The following ODF1 variants were observed in gnomAD, a reference collection of about 807,000 sequenced individuals.
The protein encoded by ODF1 is outer dense fiber protein 1.
In ODF1, 10 loss-of-function variants were observed where a neutral mutation model predicts 24.0. That is an observed-to-expected ratio of 0.42 (90% CI 0.26 to 0.71). ODF1 has a LOEUF of 0.71. Ranked by LOEUF, ODF1 falls within the 30% of genes least tolerant of loss-of-function variation. ODF1 has a pLI of 0.28. For missense variants in ODF1, 282 were observed against 307.9 expected (o/e 0.92, Z 0.63); for synonymous variants, 118 against 121.3 (o/e 0.97, Z 0.18).
intron 1 of ODF1, among the ~76,000 whole-genome samples, chr8:102,553,536 T>C (rs2511705): frequency 0.59 from 90,060 of 152,068 alleles, 27,426 homozygotes; most frequent in Middle Eastern, 0.72. Flanking sequence ...TCACATAAAT[T>C]GCTCACACTG....
chr8:102,551,849 T>G lies in ODF1; in HGVS notation c.122T>G (p.Met41Arg). The G allele has an allele frequency of 6.2e-7, 1 of 1,614,190 alleles. No individual in the cohort carries two copies. Among genetic ancestry groups the G allele is most frequent in the Non-Finnish European group, 8.5e-7 (1 of 1,180,038 alleles). ...ACACGGTGCCTGTGCGACTTGTATA[T>G]GCACCCCTATTGCTGCTGTGACTTG... ...FSTRCLCDLY[M>R]HPYCCCDLHP... Residue 41 changes from methionine to arginine, a missense_variant, in exon 1 of 2, where the codon ATG becomes AGG. By Grantham distance (91) the Met-to-Arg change is moderately conservative. Coordinates refer to ENST00000285402, the MANE Select transcript of ODF1 (RefSeq NM_024410.4).
intron 1 of ODF1, among the ~76,000 whole-genome samples, chr8:102,556,420 TG>T (rs1224107428): frequency 1.7e-4 from 21 of 122,848 alleles, no homozygotes; most frequent in African/African-American, 6.3e-4. Context: ...CTGTGTTTTT[TG>T]TTGTTGTTGT....
At chr8:102,556,367 T>C (rs1352869238) in intron 1 of ODF1, among the ~76,000 whole-genome samples, 1 of 152,230 alleles carries the variant, frequency 6.6e-6, no homozygotes, top group Non-Finnish European at 1.5e-5. Flanking sequence ...CTAGACCTGC[T>C]AGCTCTGAAA....
At chr8:102,552,718 A>G (rs899450958) in intron 1 of ODF1, among the ~76,000 whole-genome samples, 7 of 152,198 alleles carry the variant, frequency 4.6e-5, no homozygotes, top group Admixed American at 1.3e-4. Context: ...AAAAAGAGTC[A>G]GTTTTTTAAA....
intron 1 of ODF1, among the ~76,000 whole-genome samples, chr8:102,559,824 C>G (rs1426620381): frequency 6.6e-6 from 1 of 151,480 alleles, no homozygotes; most frequent in Non-Finnish European, 1.5e-5. Context: ...GTCCCATGAA[C>G]CAGTAGGGCT....
intron 1 of ODF1, among the ~76,000 whole-genome samples, chr8:102,553,955 T>C (rs1473895345): frequency 2.0e-5 from 3 of 152,226 alleles, no homozygotes; most frequent in Non-Finnish European, 2.9e-5. Flanking sequence ...ATCTCGGAAA[T>C]GATAACTCCA....
In ODF1 at chr8:102,560,901, C is replaced by G. The variant is rs1826177006; in HGVS notation, c.*17C>G. On this transcript the variant is annotated 3_prime_UTR_variant, in exon 2 of 2. Transcript: ENST00000285402. ...ATTTTGTAAAGTGCGCATAGGAACC[C>G]ATTACTTAATAGAAGTCAGTTACTC... 1 of 1,583,784 alleles carries G rather than the reference C, an allele frequency of 6.3e-7. No homozygotes were observed. The highest frequency in any genetic ancestry group is 1.7e-5 in the Admixed American group (1 of 57,424).
chr8:102,552,925 T>C (rs1044124885), intron 1 of ODF1, among the ~76,000 whole-genome samples: 2 of 152,056 alleles, frequency 1.3e-5, no homozygotes, highest in African/African-American at 2.4e-5. Context: ...ATCTTACATA[T>C]TGATGTATTA....
intron 1 of ODF1, among the ~76,000 whole-genome samples, chr8:102,554,949 C>A (rs980191793): frequency 1.3e-5 from 2 of 151,996 alleles, no homozygotes; most frequent in African/African-American, 2.4e-5. Flanking sequence ...TAGAAAGAGA[C>A]CCTGTTTCAA....
intron 1 of ODF1, among the ~76,000 whole-genome samples, chr8:102,552,998 AGATAGATAGATAGATAGATG>A (rs1826062045): frequency 1.3e-5 from 1 of 77,996 alleles, no homozygotes; most frequent in Admixed American, 1.4e-4. Flanking sequence ...ATAGATAGAT[AGATAGATAGATAGATAGATG>A]ATAGATAGAT....
chr8:102,554,993 C>T (rs1468306379), intron 1 of ODF1, among the ~76,000 whole-genome samples: 1 of 151,998 alleles, frequency 6.6e-6, no homozygotes, highest in Admixed American at 6.6e-5. Flanking sequence ...AAATCCAATC[C>T]ATTTCCATTC....
chr8:102,553,782 T>C (rs1826078153), intron 1 of ODF1, among the ~76,000 whole-genome samples: 1 of 152,226 alleles, frequency 6.6e-6, no homozygotes, highest in South Asian at 2.1e-4. Context: ...TGGCATGCAG[T>C]AGAAACAGCT....
At position 102,551,870 on chromosome 8, in the gene ODF1, ACTT is replaced by A; in HGVS notation, c.144_146del (p.Asp48_Leu49delinsGlu). On this transcript the variant is annotated inframe_deletion, in exon 1 of 2. Coordinates refer to ENST00000285402, the MANE Select transcript of ODF1 (RefSeq NM_024410.4). ...TATATGCACCCCTATTGCTGCTGTG[ACTT>A]GCACCCATATCCGTACTGCTTGTGC... 1 of 1,614,112 alleles carries A rather than the reference ACTT, an allele frequency of 6.2e-7. No homozygotes were observed. The highest frequency in any genetic ancestry group is 1.1e-5 in the South Asian group (1 of 91,080).
chr8:102,560,786 A>G lies in ODF1; in HGVS notation c.655A>G (p.Asn219Asp). 2 of 888,310 alleles carry G rather than the reference A, an allele frequency of 2.3e-6. No homozygotes were observed. Among genetic ancestry groups the G allele is most frequent in the Middle Eastern group, 2.7e-4 (1 of 3,762 alleles). 55.0% of individuals were successfully genotyped at this position (888,310 alleles called of 1,614,324 possible). A position where few individuals can be genotyped will look rare whatever the true frequency, so the allele number is the denominator to read the frequency against. ...CCCCTGCAGCCCCTGCAGCCCCTGC[A>G]ACCCCTGCAGCCCCTGCAACCCGTG... is the stretch of plus-strand genomic sequence containing the variant. ...CSPCSPCSPCNPCSPCNPCSP... is the reference protein window; with the variant it reads ...CSPCSPCSPCDPCSPCNPCSP... The change falls in exon 2 of 2, where the codon AAC becomes GAC. Residue 219 changes from asparagine to aspartate, a missense_variant. Physicochemically the swap from Asn to Asp is conservative, Grantham distance 23. Transcript: ENST00000285402.
At chr8:102,552,772 A>C (rs2436902) in intron 1 of ODF1, among the ~76,000 whole-genome samples, 86,885 of 151,896 alleles carry the variant, frequency 0.57, 25,430 homozygotes, top group Middle Eastern at 0.71. Flanking sequence ...CCTGGAGAAA[A>C]CTTTCCTTTT....
chr8:102,557,707 C>G (rs145347941), intron 1 of ODF1, among the ~76,000 whole-genome samples: 7 of 152,348 alleles, frequency 4.6e-5, no homozygotes, highest in Non-Finnish European at 8.8e-5. Flanking sequence ...CTAGTTGGGG[C>G]CCTTGGCCCT....
intron 1 of ODF1, among the ~76,000 whole-genome samples, chr8:102,553,010 AG>A (rs1364078033): frequency 8.7e-6 from 1 of 114,990 alleles, no homozygotes; most frequent in South Asian, 2.5e-4. Flanking sequence ...ATAGATAGAT[AG>A]ATAGATGATA....
chr8:102,554,871 C>G (rs570069340), intron 1 of ODF1, among the ~76,000 whole-genome samples: 1 of 152,170 alleles, frequency 6.6e-6, no homozygotes, highest in South Asian at 2.1e-4. Context: ...GGTGGGAGGA[C>G]TGCTTGAGCC....
At chr8:102,556,907 T>G (rs1826118052) in intron 1 of ODF1, among the ~76,000 whole-genome samples, 1 of 152,208 alleles carries the variant, frequency 6.6e-6, no homozygotes, top group Admixed American at 6.5e-5. Flanking sequence ...GGTTCCCTGA[T>G]AGAGGTAGAC....
Sources: allele counts gnomAD v4.1 joint callset (sites outside exome capture counted in the v4.1 genomes callset), GRCh38; gene constraint gnomAD v4.1.1; transcripts MANE v1.5; gene names NCBI Gene and HGNC (gene_info 2026-07-23, HGNC 2026-07-21).